NR2F1-AS1: variants seen among roughly 807,000 people sequenced by gnomAD.
NR2F1-AS1 encodes NR2F1 antisense RNA 1.
upstream of NR2F1-AS1, chr5:93,583,688 G>GT (rs931996276): frequency 5.3e-5 from 8 of 152,110 alleles, no homozygotes; most frequent in South Asian, 2.1e-4. Context: ...GATCTCCAGG[G>GT]TTTTTTTAAC....
intron 4 of NR2F1-AS1, among the ~76,000 whole-genome samples, chr5:93,460,474 A>G (rs1750064356): frequency 1.3e-5 from 2 of 152,222 alleles, no homozygotes; most frequent in African/African-American, 2.4e-5. Flanking sequence ...CTTGTCAATG[A>G]GAATGATGAG....
At chr5:93,416,360 T>G (rs1345032248) in intron 4 of NR2F1-AS1, among the ~76,000 whole-genome samples, 3 of 152,204 alleles carry the variant, frequency 2.0e-5, no homozygotes, top group Non-Finnish European at 4.4e-5. Flanking sequence ...ATTATTCTTT[T>G]TTCACCCTAT....
At chr5:93,498,230 T>G (rs1024484164) in intron 4 of NR2F1-AS1, among the ~76,000 whole-genome samples, 2 of 151,946 alleles carry the variant, frequency 1.3e-5, no homozygotes, top group Non-Finnish European at 2.9e-5. Context: ...ATAATAATAA[T>G]AATAATATAT....
At chr5:93,530,978 A>T (rs1486030105) in intron 4 of NR2F1-AS1, among the ~76,000 whole-genome samples, 2 of 152,202 alleles carry the variant, frequency 1.3e-5, no homozygotes, top group Non-Finnish European at 2.9e-5. Flanking sequence ...ACAAATGAAG[A>T]TCTGCCCAAA....
upstream of NR2F1-AS1, among the ~76,000 whole-genome samples, chr5:93,582,063 CT>C (rs1753107299): frequency 7.0e-6 from 1 of 141,856 alleles, no homozygotes; most frequent in African/African-American, 2.6e-5. Context: ...TTCCTTTCCT[CT>C]CCTCTCTCTC....
chr5:93,539,099 C>T (rs948351265), intron 4 of NR2F1-AS1, among the ~76,000 whole-genome samples: 1 of 151,958 alleles, frequency 6.6e-6, no homozygotes, highest in South Asian at 2.1e-4. Flanking sequence ...GCCAACATGG[C>T]GAAACCCATC....
chr5:93,578,706 G>C (rs906746114), intron 1 of NR2F1-AS1, among the ~76,000 whole-genome samples: 6 of 152,154 alleles, frequency 3.9e-5, no homozygotes, highest in African/African-American at 1.4e-4. Context: ...TGAAGAAGAG[G>C]GGGTGGGTGA....
chr5:93,424,361 T>G (rs1196266009), intron 4 of NR2F1-AS1, among the ~76,000 whole-genome samples: 1 of 151,444 alleles, frequency 6.6e-6, no homozygotes, highest in East Asian at 1.9e-4. Context: ...ATAAATTATA[T>G]AATTTATATT....
intron 4 of NR2F1-AS1, among the ~76,000 whole-genome samples, chr5:93,525,785 A>AT (rs1751600203): frequency 1.3e-5 from 2 of 152,244 alleles, no homozygotes; most frequent in Admixed American, 1.3e-4. Flanking sequence ...TAAGGTAGAA[A>AT]TAAATAAGTT....
At chr5:93,581,976 CTCTCTCTCTCTCT>C (rs1201012360), upstream of NR2F1-AS1, among the ~76,000 whole-genome samples, 1 of 100,264 alleles carries the variant, frequency 1.0e-5, no homozygotes, top group Non-Finnish European at 2.1e-5. Context: ...TCTCTCTCTC[CTCTCTCTCTCTCT>C]CCCCTCTCCT....
rs181248684 is a variant in NR2F1-AS1, at chr5:93,526,238, A to C, written n.638+27523T>G. ...ATGCTATAAATACCTCTATGCAAGTAACTAGAAAATCTAGAAGAAATGGGT... is the reference window on the plus strand; with the variant it reads ...ATGCTATAAATACCTCTATGCAAGTCACTAGAAAATCTAGAAGAAATGGGT... On this transcript the variant is annotated intron_variant and non_coding_transcript_variant, in intron 4 of 5. Coordinates refer to ENST00000660523, the Ensembl canonical transcript of NR2F1-AS1. Among the ~76,000 whole-genome samples the C allele has an allele frequency of 1.6e-4, 24 of 152,320 alleles. 1 individual carries two copies. Among genetic ancestry groups the C allele is most frequent in the Admixed American group, 1.6e-3 (24 of 15,300 alleles).
intron 4 of NR2F1-AS1, among the ~76,000 whole-genome samples, chr5:93,435,055 C>T (rs1023384209): frequency 5.9e-5 from 9 of 152,106 alleles, no homozygotes; most frequent in Non-Finnish European, 8.8e-5. Flanking sequence ...AAGTAACTTA[C>T]GGGTAGATGC....
At chr5:93,477,542 A>G (rs964005560) in intron 4 of NR2F1-AS1, among the ~76,000 whole-genome samples, 4 of 152,194 alleles carry the variant, frequency 2.6e-5, no homozygotes, top group African/African-American at 9.6e-5. Flanking sequence ...ATAGGAAATT[A>G]TTTTACTTAT....
chr5:93,440,279 T>C (rs191533062), intron 4 of NR2F1-AS1, among the ~76,000 whole-genome samples: 44 of 151,998 alleles, frequency 2.9e-4, no homozygotes, highest in African/African-American at 8.9e-4. Context: ...GGCCATGGGG[T>C]GCCCAGAAAC....
At chr5:93,436,372 G>T (rs530613718) in intron 4 of NR2F1-AS1, among the ~76,000 whole-genome samples, 1 of 152,176 alleles carries the variant, frequency 6.6e-6, no homozygotes, top group South Asian at 2.1e-4. Context: ...TCACCAATTA[G>T]AATTAAAGGT....
chr5:93,522,366 A>G (rs1428894795), intron 4 of NR2F1-AS1, among the ~76,000 whole-genome samples: 1 of 152,228 alleles, frequency 6.6e-6, no homozygotes, highest in Non-Finnish European at 1.5e-5. Flanking sequence ...AGTTACTTTA[A>G]AAAAAGAGTC....
At chr5:93,415,455 A>G (rs1221403897) in intron 4 of NR2F1-AS1, among the ~76,000 whole-genome samples, 1 of 152,226 alleles carries the variant, frequency 6.6e-6, no homozygotes, top group African/African-American at 2.4e-5. Flanking sequence ...CAGTATTTCC[A>G]ATAAAGATCT....
At chr5:93,514,885 A>C (rs962016945) in intron 4 of NR2F1-AS1, among the ~76,000 whole-genome samples, 1 of 152,096 alleles carries the variant, frequency 6.6e-6, no homozygotes, top group Non-Finnish European at 1.5e-5. Flanking sequence ...TGATTCAAAC[A>C]GTATAAATAG....
chr5:93,563,845 G>A (rs1267788018), intron 1 of NR2F1-AS1, among the ~76,000 whole-genome samples: 1 of 152,010 alleles, frequency 6.6e-6, no homozygotes, highest in Admixed American at 6.6e-5. Context: ...GCTCATGCCT[G>A]TAATCCCAGC....
Sources: allele counts gnomAD v4.1 joint callset (sites outside exome capture counted in the v4.1 genomes callset), GRCh38; gene constraint gnomAD v4.1.1; transcripts MANE v1.5; gene names NCBI Gene and HGNC (gene_info 2026-07-23, HGNC 2026-07-21).